Variants in CDH13 observed in about 807,000 individuals in gnomAD.
CDH13 encodes cadherin 13, also known as cadherin-13.
Under a neutral mutation model 63.8 loss-of-function variants are expected in CDH13, and 24 were observed. The ratio of observed to expected loss-of-function variants is 0.38; its 90% CI spans 0.27 to 0.53. The LOEUF is 0.53. Ranked by LOEUF, CDH13 falls within the 20% of genes least tolerant of loss-of-function variation. The pLI is 0.85. For synonymous variants in CDH13, 503 were observed against 355.3 expected (o/e 1.42, Z -4.67); for missense variants, 1,049 against 903.1 (o/e 1.16, Z -2.07).
At chr16:83,050,539 C>G (rs2151503684) in intron 3 of CDH13, among the ~76,000 whole-genome samples, 1 of 152,310 alleles carries the variant, frequency 6.6e-6, no homozygotes, top group African/African-American at 2.4e-5. Flanking sequence ...ATTCCTCCTG[C>G]CATTGGAAGT....
chr16:83,657,190 C>A (rs562379351), intron 8 of CDH13, among the ~76,000 whole-genome samples: 1 of 152,316 alleles, frequency 6.6e-6, no homozygotes, highest in Admixed American at 6.5e-5. Context: ...AAAGAAACAG[C>A]CATATGAGTG....
At chr16:82,929,359 C>T (rs963594126) in intron 2 of CDH13, among the ~76,000 whole-genome samples, 9 of 151,802 alleles carry the variant, frequency 5.9e-5, no homozygotes, top group Non-Finnish European at 1.3e-4. Context: ...TACATGAGGA[C>T]ACAATGAAAA....
At chr16:83,300,652 T>C (rs943853836) in intron 5 of CDH13, among the ~76,000 whole-genome samples, 3 of 152,248 alleles carry the variant, frequency 2.0e-5, no homozygotes, top group African/African-American at 7.2e-5. Context: ...GAACCTAGTA[T>C]CTTGTCAAGA....
intron 3 of CDH13, among the ~76,000 whole-genome samples, chr16:83,071,974 A>C (rs558068658): frequency 4.6e-4 from 70 of 152,238 alleles, no homozygotes; most frequent in African/African-American, 1.6e-3. Context: ...ATATAATTTA[A>C]AGCACATATG....
chr16:83,502,314 A>T (rs904626172), intron 7 of CDH13, among the ~76,000 whole-genome samples: 12 of 152,174 alleles, frequency 7.9e-5, no homozygotes, highest in African/African-American at 1.2e-4. Flanking sequence ...AAGATGCTCT[A>T]GTGCTGGCTT....
At position 82,764,221 on chromosome 16, in the gene CDH13, A is replaced by G. The variant is rs564513390; in HGVS notation, c.46-94141A>G. Among the ~76,000 whole-genome samples, 15 of 152,334 alleles carry G rather than the reference A, an allele frequency of 9.8e-5. No individual in the cohort carries two copies. The South Asian group carries it at 1.4e-3, about 15-fold the overall frequency. ...TTACAGACAAGTACACAGGCTAAGCATGACTGCAACTTTTGAATTGTCATG... is the reference window on the plus strand; with the variant it reads ...TTACAGACAAGTACACAGGCTAAGCGTGACTGCAACTTTTGAATTGTCATG... On this transcript the variant is annotated intron_variant, in intron 1 of 13. Coordinates refer to ENST00000567109, the MANE Select transcript of CDH13 (RefSeq NM_001257.5).
rs547852041 is a variant in CDH13, at chr16:82,685,465, C to T, written c.45+58328C>T. Among the ~76,000 whole-genome samples the T allele has an allele frequency of 4.5e-4, 69 of 152,292 alleles. No individual in the cohort carries two copies. In the Middle Eastern group the frequency reaches 0.014, roughly 30 times the overall value. ...TAACACTATCACCTTGGGGGTTAGA[C>T]ATTTAACATATGGATGTTGGGGGGA... On this transcript the variant is annotated intron_variant, in intron 1 of 13. Coordinates refer to ENST00000567109, the MANE Select transcript of CDH13 (RefSeq NM_001257.5).
chr16:83,657,623 TG>T (rs1342072783), intron 8 of CDH13, among the ~76,000 whole-genome samples: 1 of 152,208 alleles, frequency 6.6e-6, no homozygotes, highest in Non-Finnish European at 1.5e-5. Context: ...GCTGGGGATA[TG>T]GAGAACAAAC....
At chr16:82,692,735 A>G (rs751178597) in intron 1 of CDH13, among the ~76,000 whole-genome samples, 17 of 152,162 alleles carry the variant, frequency 1.1e-4, no homozygotes, top group Non-Finnish European at 2.2e-4. Context: ...TGTGAATGAA[A>G]TTTATATTCC....
chr16:83,287,116 G>T (rs1035614779), intron 5 of CDH13, among the ~76,000 whole-genome samples: 2 of 152,142 alleles, frequency 1.3e-5, no homozygotes. Context: ...TACTTTATAG[G>T]CCATGTTCAT....
chr16:83,027,435 T>G (rs1249623782), intron 2 of CDH13, among the ~76,000 whole-genome samples: 1 of 151,992 alleles, frequency 6.6e-6, no homozygotes, highest in Non-Finnish European at 1.5e-5. Context: ...GTGAAGAAGG[T>G]GAGAAATGCC....
chr16:83,085,732 A>C (rs111703232), intron 3 of CDH13, among the ~76,000 whole-genome samples: 12 of 152,200 alleles, frequency 7.9e-5, no homozygotes, highest in Non-Finnish European at 1.8e-4. Flanking sequence ...CCATGTCACT[A>C]TGGGTTGTAT....
At chr16:83,511,084 GCA>G (rs949374277) in intron 7 of CDH13, among the ~76,000 whole-genome samples, 1 of 103,232 alleles carries the variant, frequency 9.7e-6, no homozygotes, top group Non-Finnish European at 1.8e-5. Context: ...ATGCACGCAT[GCA>G]CACACACATG....
intron 10 of CDH13, among the ~76,000 whole-genome samples, chr16:83,742,284 G>A (rs924940350): frequency 1.3e-5 from 2 of 152,104 alleles, no homozygotes; most frequent in Admixed American, 1.3e-4. Flanking sequence ...CCCCCACTGC[G>A]CTGCCTGCGA....
At chr16:83,768,958 C>T (rs916325897) in intron 11 of CDH13, among the ~76,000 whole-genome samples, 12 of 152,232 alleles carry the variant, frequency 7.9e-5, no homozygotes, top group Admixed American at 2.0e-4. Context: ...CAGTAGGTCT[C>T]ATCCTCATTT....
At chr16:82,725,998 C>T (rs8062180) in intron 1 of CDH13, among the ~76,000 whole-genome samples, 2 of 152,018 alleles carry the variant, frequency 1.3e-5, no homozygotes, top group Non-Finnish European at 2.9e-5. Flanking sequence ...AGAGGGTGGC[C>T]GTGCCATTCA....
At chr16:83,056,691 C>G (rs2030979975) in intron 3 of CDH13, among the ~76,000 whole-genome samples, 1 of 152,150 alleles carries the variant, frequency 6.6e-6, no homozygotes, top group South Asian at 2.1e-4. Flanking sequence ...CAAGTCTCAT[C>G]TTGAAGTGCA....
At position 82,856,712 on chromosome 16, in the gene CDH13, A is replaced by T. The variant is rs972350743; in HGVS notation, c.46-1650A>T. ...CGGTCTCAAAAAAAAAAAAAAAAAA[A>T]AAAAAAAAAGGAAACTTTAAAAGTC... On this transcript the variant is annotated intron_variant, in intron 1 of 13. Coordinates refer to ENST00000567109, the MANE Select transcript of CDH13 (RefSeq NM_001257.5). Among the ~76,000 whole-genome samples, 49 of 149,764 alleles carry T rather than the reference A, an allele frequency of 3.3e-4. 1 individual carries two copies. Among genetic ancestry groups the T allele is most frequent in the African/African-American group, 1.1e-3 (46 of 41,136 alleles).
intron 6 of CDH13, among the ~76,000 whole-genome samples, chr16:83,376,851 C>T (rs1597866372): frequency 6.6e-6 from 1 of 152,106 alleles, no homozygotes; most frequent in Non-Finnish European, 1.5e-5. Flanking sequence ...TGATCCAGGC[C>T]TTAAGAAATG....
Sources: allele counts gnomAD v4.1 joint callset (sites outside exome capture counted in the v4.1 genomes callset), GRCh38; gene constraint gnomAD v4.1.1; transcripts MANE v1.5; gene names NCBI Gene and HGNC (gene_info 2026-07-23, HGNC 2026-07-21).